MAEA: variants seen among roughly 807,000 people sequenced by gnomAD.
MAEA encodes the protein E3 ubiquitin-protein transferase MAEA.
In MAEA, 22 loss-of-function variants were observed where a neutral mutation model predicts 46.2. That is an observed-to-expected ratio of 0.48 (90% CI 0.34 to 0.68). MAEA has a LOEUF of 0.68. Ranked by LOEUF, MAEA falls within the 30% of genes least tolerant of loss-of-function variation. The pLI, the probability that MAEA is intolerant of heterozygous loss-of-function variation, is 0.01. For missense variants in MAEA, 393 were observed against 558.1 expected, an observed-to-expected ratio of 0.70 and a Z score of 2.98; for synonymous variants, 246 against 222.6, an observed-to-expected ratio of 1.11 and a Z score of -0.94.
At chr4:1,301,866 C>CA (rs1735351308) in intron 1 of MAEA, among the ~76,000 whole-genome samples, 1 of 152,124 alleles carries the variant, frequency 6.6e-6, no homozygotes, top group African/African-American at 2.4e-5. Flanking sequence ...GAAGTTACTA[C>CA]AAAAAACCTC....
chr4:1,330,202 A>T (rs931297179), intron 5 of MAEA: 6 of 942,904 alleles, frequency 6.4e-6, no homozygotes, highest in Non-Finnish European at 7.6e-6. Context: ...GGCGGCTGGG[A>T]CCTGGCCTGT....
chr4:1,329,089 C>T, intron 5 of MAEA: 2 of 985,624 alleles, frequency 2.0e-6, no homozygotes, highest in Non-Finnish European at 2.4e-6. Flanking sequence ...AGGGCCCCGG[C>T]CACTGTCAGC....
intron 4 of MAEA, 79 bp from the exon 5 acceptor site, chr4:1,327,548 G>A (rs1739003722): frequency 7.5e-6 from 7 of 929,692 alleles, no homozygotes; most frequent in Admixed American, 6.8e-5. Context: ...GTCTGCTGGT[G>A]GACATGCGGG....
Position 1,311,242 on chromosome 4 carries a change from C to G in MAEA, c.70-737C>G, listed in dbSNP as rs939068736. On this transcript the variant is annotated intron_variant, in intron 1 of 8. Coordinates refer to ENST00000303400, the MANE Select transcript of MAEA (RefSeq NM_001017405.3). The surrounding 1 kb of genome is among the most constrained non-coding windows in gnomAD (Gnocchi z 4.4). ...CCAGGACCGCAGGTGGTGTTTCCTG[C>G]GGGAGCCCGGCCACGGAGGCCGGGG... 1.3e-5 allele frequency among the ~76,000 whole-genome samples: 2 copies of G among 152,188 alleles called. No homozygotes were observed. Among genetic ancestry groups the G allele is most frequent in the African/African-American group, 4.8e-5 (2 of 41,442 alleles).
At chr4:1,335,003 T>C (rs1296651441) in intron 6 of MAEA, 1 of 985,330 alleles carries the variant, frequency 1.0e-6, no homozygotes, top group African/African-American at 1.7e-5. Context: ...CGTCCCCTGA[T>C]GACCACCTCC....
chr4:1,299,080 C>T (rs376226151), intron 1 of MAEA, among the ~76,000 whole-genome samples: 1 of 152,034 alleles, frequency 6.6e-6, no homozygotes, highest in South Asian at 2.1e-4. Context: ...GTTCTAGCTC[C>T]GTTGTCTAGG....
intron 3 of MAEA, among the ~76,000 whole-genome samples, chr4:1,321,769 C>T (rs188877895): frequency 6.6e-6 from 1 of 152,280 alleles, no homozygotes; most frequent in East Asian, 1.9e-4. Context: ...CCTGCCCCTG[C>T]CAGAGACCAT....
Position 1,315,477 on chromosome 4 carries a change from C to A in MAEA, c.333C>A (p.Ser111Arg). The A allele has an allele frequency of 6.2e-7, 1 of 1,613,876 alleles. No individual in the cohort carries two copies. The highest frequency in any genetic ancestry group is 1.6e-4 in the Middle Eastern group (1 of 6,062). Residue 111 changes from serine (S) to arginine (R), a missense_variant, in exon 3 of 9, where the codon AGC becomes AGA. By Grantham distance (110) the Ser-to-Arg change is moderately radical (BLOSUM62 -1). Coordinates refer to ENST00000303400, the MANE Select transcript of MAEA (RefSeq NM_001017405.3). ...RRIEHLKEHS[S>R]DQPAAASVWK... ...TCGAGCACCTCAAAGAGCATAGCAG[C>A]GACCAGCCCGCGGCGGCCAGCGTGT...
Position 1,312,088 on chromosome 4 carries a change from G to A in MAEA, c.179G>A (p.Gly60Asp), listed in dbSNP as rs772700064. The change falls in exon 2 of 9, where the codon GGC (glycine) becomes GAC (aspartate). Residue 60 changes from glycine to aspartate, a missense_variant. Physicochemically the swap from Gly to Asp is moderately conservative, Grantham distance 94 (BLOSUM62 -1). Coordinates refer to ENST00000303400, the MANE Select transcript of MAEA (RefSeq NM_001017405.3). ...VVAELEKTLS[G>D]CPAVDSVVSL... ...GCCGAGCTGGAGAAGACGTTGAGCG[G>A]CTGCCCCGCCGTGGACTCCGTGGTC... 2.7e-5 allele frequency: 44 copies of A among 1,613,048 alleles called. No homozygotes were observed. The highest frequency in any genetic ancestry group is 3.4e-5 in the Non-Finnish European group (40 of 1,179,964).
intron 1 of MAEA, among the ~76,000 whole-genome samples, chr4:1,294,778 T>C (rs1734464229): frequency 8.8e-6 from 1 of 113,804 alleles, no homozygotes; most frequent in Non-Finnish European, 1.8e-5. Context: ...TGAGGTGATG[T>C]TGGACAGTGG....
intron 5 of MAEA, chr4:1,329,014 C>T (rs1739199572): frequency 4.1e-6 from 4 of 986,216 alleles, no homozygotes; most frequent in Non-Finnish European, 4.8e-6. Flanking sequence ...GGCCTCGGTG[C>T]CTGTGTCGCT....
At chr4:1,302,413 C>T (rs1432060208) in intron 1 of MAEA, among the ~76,000 whole-genome samples, 1 of 152,244 alleles carries the variant, frequency 6.6e-6, no homozygotes, top group Non-Finnish European at 1.5e-5. Context: ...AGTCATATAT[C>T]TGTTAAGGGT....
chr4:1,316,247 G>A (rs566873931), intron 3 of MAEA, among the ~76,000 whole-genome samples: 78 of 151,512 alleles, frequency 5.1e-4, no homozygotes, highest in East Asian at 3.6e-3. Context: ...CTGAGCAGAC[G>A]CTGGGCGGTG....
At chr4:1,303,462 C>T (rs550376775) in intron 1 of MAEA, among the ~76,000 whole-genome samples, 1 of 151,172 alleles carries the variant, frequency 6.6e-6, no homozygotes, top group Admixed American at 6.6e-5. Context: ...GTTGTGAATT[C>T]CTAAACAAAT....
chr4:1,330,493 T>G (rs913068480), intron 5 of MAEA: 1 of 54,336 alleles, frequency 1.8e-5, no homozygotes, highest in Non-Finnish European at 6.7e-5. Context: ...ATTTTTGTAT[T>G]TTTAGTAGAG....
chr4:1,306,003 AC>A (rs1349682930), intron 1 of MAEA, among the ~76,000 whole-genome samples: 2 of 152,204 alleles, frequency 1.3e-5, no homozygotes, highest in African/African-American at 4.8e-5. Flanking sequence ...TGCCCCGCCC[AC>A]AGGAGGAATT....
At chr4:1,294,966 A>G (rs1419963672) in intron 1 of MAEA, among the ~76,000 whole-genome samples, 1 of 152,166 alleles carries the variant, frequency 6.6e-6, no homozygotes, top group Non-Finnish European at 1.5e-5. Flanking sequence ...ACAGGCACAC[A>G]GCACCATTGG....
At chr4:1,307,336 C>T (rs1053056622) in intron 1 of MAEA, among the ~76,000 whole-genome samples, 4 of 152,182 alleles carry the variant, frequency 2.6e-5, no homozygotes, top group African/African-American at 9.7e-5. Context: ...ACCCCAGCCC[C>T]TGGGATCCAC....
chr4:1,290,204 T>C (rs879761092), intron 1 of MAEA, among the ~76,000 whole-genome samples: 55 of 151,972 alleles, frequency 3.6e-4, no homozygotes, highest in Non-Finnish European at 4.9e-4. Context: ...GTGGCCCCTC[T>C]GCTTGAAGAG....
Sources: allele counts gnomAD v4.1 joint callset (sites outside exome capture counted in the v4.1 genomes callset), GRCh38; gene constraint gnomAD v4.1.1; non-coding constraint Gnocchi (gnomAD v3.1); transcripts MANE v1.5; gene names NCBI Gene and HGNC (gene_info 2026-07-23, HGNC 2026-07-21).